Variants in DNAH1 observed in about 807,000 individuals in gnomAD.
The protein encoded by DNAH1 is axonemal beta dynein heavy chain 1.
Under a neutral mutation model 484.3 loss-of-function variants are expected in DNAH1, and 327 were observed. The observed-to-expected ratio is 0.68, with a 90% CI of 0.62 to 0.74. The LOEUF is 0.74. Among genes scored for constraint, DNAH1 ranks in the 30% least tolerant of loss-of-function variants. DNAH1 has a pLI of 0.00. For synonymous variants in DNAH1, 2,192 were observed against 2,191.9 expected (o/e 1.00, Z 0.00); for missense variants, 5,052 against 5,546.8 (o/e 0.91, Z 2.83).
Position 52,398,175 on chromosome 3 carries a change from C to G in DNAH1, c.12089+13C>G. ...AAGAGGTCATTAGGTAATCACCCCG[C>G]CATACCCCTGCCCCGAGTCAGCGGC... On this transcript the variant is annotated intron_variant, in intron 75 of 77. Transcript: ENST00000420323. 1 of 1,597,358 alleles carries G rather than the reference C, an allele frequency of 6.3e-7. No homozygotes were observed. The highest frequency in any genetic ancestry group is 8.5e-7 in the Non-Finnish European group (1 of 1,171,550).
rs1218553374 is a variant in DNAH1, at chr3:52,390,793, G to A, written c.9622-142G>A. 6 of 1,301,254 alleles carry A rather than the reference G, an allele frequency of 4.6e-6. No homozygotes were observed. The African/African-American group carries it at 8.8e-5, about 19-fold the overall frequency. 80.6% of individuals were successfully genotyped at this position (1,301,254 alleles called of 1,614,324 possible). A position where few individuals can be genotyped will look rare whatever the true frequency, so the allele number is the denominator to read the frequency against. On this transcript the variant is annotated intron_variant, in intron 60 of 77. Coordinates refer to ENST00000420323, the MANE Select transcript of DNAH1 (RefSeq NM_015512.5). ...CTGGGGGTGAGGCATTGCCTACATT[G>A]TCACCTGCCCCCAACCTCCAAGGGG...
chr3:52,381,544 A>T lies in DNAH1; in HGVS notation c.7609-96A>T. On this transcript the variant is annotated intron_variant, in intron 48 of 77. Transcript: ENST00000420323. This position sits in a 1 kb window ranked among gnomAD's most constrained non-coding sequence, Gnocchi z 4.1. ...GGTGGTCAAGGCACCTGTGCTTCTCAGTCAGGACAGAGAAGAAAGCGGGTG... is the reference window on the plus strand; with the variant it reads ...GGTGGTCAAGGCACCTGTGCTTCTCTGTCAGGACAGAGAAGAAAGCGGGTG... 1 of 1,190,942 alleles carries T rather than the reference A, an allele frequency of 8.4e-7. No individual in the cohort carries two copies. Among genetic ancestry groups the T allele is most frequent in the Non-Finnish European group, 1.2e-6 (1 of 854,836 alleles). 73.8% of individuals were successfully genotyped at this position (1,190,942 alleles called of 1,614,324 possible). A position where few individuals can be genotyped will look rare whatever the true frequency, so the allele number is the denominator to read the frequency against.
rs1215992649 is a variant in DNAH1 at position 52,381,880 on chromosome 3, G to A, written c.7805+44G>A. 1 of 1,532,860 alleles carries A rather than the reference G, an allele frequency of 6.5e-7. No homozygotes were observed. The highest frequency in any genetic ancestry group is 2.0e-5 in the Admixed American group (1 of 50,630). The allele number at this position is 1,532,860 out of a possible 1,614,324, so 95.0% of individuals were successfully genotyped here. ...TGCTGGGCAGTGGGCGGCCAGGGCT[G>A]GCTGGTCGGTTTGACTGACCCATGC... On this transcript the variant is annotated intron_variant, in intron 49 of 77. Coordinates refer to ENST00000420323, the MANE Select transcript of DNAH1 (RefSeq NM_015512.5). This position sits in a 1 kb window ranked among gnomAD's most constrained non-coding sequence, Gnocchi z 4.1.
chr3:52,329,960 CATTA>C (rs1392072837), intron 6 of DNAH1, among the ~76,000 whole-genome samples: 1 of 152,146 alleles, frequency 6.6e-6, no homozygotes, highest in East Asian at 1.9e-4. Context: ...AGGCACACAT[CATTA>C]CTCCCAGCTA....
At position 52,350,809 on chromosome 3, in the gene DNAH1, C is replaced by A. The variant is rs116384739; in HGVS notation, c.2729+219C>A. On this transcript the variant is annotated intron_variant, in intron 16 of 77. Coordinates refer to ENST00000420323, the MANE Select transcript of DNAH1 (RefSeq NM_015512.5). ...TTTGGGCCTCTTGGCCTCAGCTGCTCCCCAACCCTGTCTCTGTCCTGTCAA... is the reference window on the plus strand; with the variant it reads ...TTTGGGCCTCTTGGCCTCAGCTGCTACCCAACCCTGTCTCTGTCCTGTCAA... Among the ~76,000 whole-genome samples, 959 of 152,310 alleles carry A rather than the reference C, an allele frequency of 6.3e-3. 2 individuals carry two copies. The highest frequency in any genetic ancestry group is 0.011 in the Non-Finnish European group (716 of 68,032).
chr3:52,398,009 A>C (rs1175717899), intron 74 of DNAH1, 23 bp from the exon 75 acceptor site: 2 of 1,610,022 alleles, frequency 1.2e-6, no homozygotes, highest in Non-Finnish European at 1.7e-6. Context: ...CCTTGACCCC[A>C]CAGTATTCCT....
At chr3:52,392,719 C>T in intron 64 of DNAH1, 30 bp downstream of exon 64, 2 of 1,576,294 alleles carry the variant, frequency 1.3e-6, no homozygotes, top group African/African-American at 1.4e-5. Context: ...CCCACCTGCC[C>T]CGGGAGTGCC....
At chr3:52,322,991 C>T (rs1023380871) in intron 2 of DNAH1, among the ~76,000 whole-genome samples, 1 of 152,236 alleles carries the variant, frequency 6.6e-6, no homozygotes, top group Non-Finnish European at 1.5e-5. Flanking sequence ...ATTCATTCGA[C>T]AACTCATTAC....
rs1156807004 is a variant in DNAH1 at position 52,356,603 on chromosome 3, C to G, written c.3694-11C>G. On this transcript the variant is annotated splice_polypyrimidine_tract_variant and intron_variant, in intron 21 of 77. Coordinates refer to ENST00000420323, the MANE Select transcript of DNAH1 (RefSeq NM_015512.5). The stretch of plus-strand genomic sequence containing the variant: ...CCATATCACACCCCTCCCTGCCCCT[C>G]CCCTCCCCAGGAGGTTCTGGAGGAG... 1 of 1,612,664 alleles carries G rather than the reference C, an allele frequency of 6.2e-7. No homozygotes were observed. The highest frequency in any genetic ancestry group is 1.1e-5 in the South Asian group (1 of 91,020).
At position 52,395,328 on chromosome 3, in the gene DNAH1, G is replaced by C. The variant is rs774995725; in HGVS notation, c.10989G>C (p.Val3663=). ...IEPQTANLSV[V]FKDSNSTTPL... The stretch of plus-strand genomic sequence containing the variant: ...TGCAGACAGCCAATCTGTCAGTGGT[G>C]TTCAAAGACTCCAACTCCACCACAC... Residue 3663 remains valine (V), a synonymous_variant, in exon 69 of 78, where the codon GTG becomes GTC. Transcript: ENST00000420323. This position sits in a 1 kb window ranked among gnomAD's most constrained non-coding sequence, Gnocchi z 4.4. 6.8e-6 allele frequency: 11 copies of C among 1,613,500 alleles called. No individual in the cohort carries two copies. The highest frequency in any genetic ancestry group is 9.3e-6 in the Non-Finnish European group (11 of 1,179,812).
chr3:52,352,039 A>C lies in DNAH1; in HGVS notation c.2807A>C (p.Glu936Ala). 1 of 1,594,728 alleles carries C rather than the reference A, an allele frequency of 6.3e-7. No homozygotes were observed. Residue 936 changes from glutamate to alanine, a missense_variant, in exon 17 of 78, where the codon GAG becomes GCG. Glu to Ala is a moderately radical substitution (Grantham distance 107). This residue lies in a region of DNAH1 where 1,263 missense variants were observed against 1,218.8 expected (regional missense o/e 1.04). Coordinates refer to ENST00000420323, the MANE Select transcript of DNAH1 (RefSeq NM_015512.5). ...CAGCAGCAGCATGTGGAGGATGAGG[A>C]GAAGTTCCGCAAAATCCAGATCATG... ...LVQQQHVEDEEKFRKIQIMDQ... is the reference protein window; with the variant it reads ...LVQQQHVEDEAKFRKIQIMDQ...
intron 75 of DNAH1, 112 bp from the exon 76 acceptor site, chr3:52,398,738 T>C: frequency 1.1e-6 from 1 of 948,796 alleles, no homozygotes; most frequent in East Asian, 2.7e-5. Context: ...CTCTCTGCTC[T>C]TAGCCTCTAT....
At position 52,358,639 on chromosome 3, in the gene DNAH1, C is replaced by T. The variant is rs552886396; in HGVS notation, c.4168C>T (p.Pro1390Ser). The T allele has an allele frequency of 2.5e-5, 40 of 1,613,290 alleles. No homozygotes were observed. In the South Asian group the frequency reaches 4.0e-4, roughly 16 times the overall value. The change falls in exon 25 of 78, where the codon CCC becomes TCC. Residue 1390 changes from proline to serine, a missense_variant. Pro to Ser is a moderately conservative substitution (Grantham distance 74). Transcript: ENST00000420323. This position sits in a 1 kb window ranked among gnomAD's most constrained non-coding sequence, Gnocchi z 4.2. ...GGTACAGTTGTGCTTCTCCATCTAC[C>T]CCTCCAGCAACGTGGAGGACTGGCT... is the stretch of plus-strand genomic sequence containing the variant. ...EEVQLCFSIY[P>S]SSNVEDWLRE... is the part of the protein sequence containing the mutation.
intron 76 of DNAH1, 95 bp downstream of exon 76, chr3:52,399,296 C>A (rs1704794037): frequency 1.5e-6 from 2 of 1,314,738 alleles, no homozygotes; most frequent in Admixed American, 2.2e-5. Context: ...AGTTGGGGGA[C>A]CCCTAAGCCA....
chr3:52,337,447 C>G (rs1701777254), intron 8 of DNAH1, among the ~76,000 whole-genome samples: 1 of 152,158 alleles, frequency 6.6e-6, no homozygotes, highest in African/African-American at 2.4e-5. Context: ...TAAACTAATT[C>G]ATTTTAGATC....
chr3:52,352,477 C>T lies in DNAH1; in HGVS notation c.2872-75C>T, dbSNP rs538569371. 8 of 1,550,478 alleles carry T rather than the reference C, an allele frequency of 5.2e-6. No individual in the cohort carries two copies. In the Admixed American group the frequency reaches 1.3e-4, roughly 25 times the overall value. ...GTGGACGTCCTGGGACCTCTGGTTCCCTGGGTTTGCATGGGAAGGCCTGGA... is the reference window on the plus strand; with the variant it reads ...GTGGACGTCCTGGGACCTCTGGTTCTCTGGGTTTGCATGGGAAGGCCTGGA... On this transcript the variant is annotated intron_variant, in intron 17 of 77. Coordinates refer to ENST00000420323, the MANE Select transcript of DNAH1 (RefSeq NM_015512.5).
At chr3:52,383,340 T>C in intron 50 of DNAH1, 46 bp from the exon 51 acceptor site, 2 of 1,558,648 alleles carry the variant, frequency 1.3e-6, no homozygotes, top group Non-Finnish European at 1.8e-6. Flanking sequence ...GGTCATATAG[T>C]CCAACATGCA....
chr3:52,385,846 C>A (rs533044272), intron 54 of DNAH1, among the ~76,000 whole-genome samples: 1 of 151,594 alleles, frequency 6.6e-6, no homozygotes, highest in African/African-American at 2.4e-5. Flanking sequence ...CAAAACTTCC[C>A]AGTAGATAGA....
chr3:52,393,420 C>A lies in DNAH1; in HGVS notation c.10561C>A (p.His3521Asn). ...CGTCTGCCGCAGCCTCTTTGAGAAG[C>A]ACAAGCTGATGTTTGCCTTCCTGCT... ...SNVCRSLFEK[H>N]KLMFAFLLCV... Residue 3521 changes from histidine to asparagine, a missense_variant, in exon 66 of 78, where the codon CAC becomes AAC. By Grantham distance (68) the His-to-Asn change is moderately conservative. Coordinates refer to ENST00000420323, the MANE Select transcript of DNAH1 (RefSeq NM_015512.5). 2 of 1,614,080 alleles carry A rather than the reference C, an allele frequency of 1.2e-6. No homozygotes were observed. Among genetic ancestry groups the A allele is most frequent in the Non-Finnish European group, 1.7e-6 (2 of 1,179,910 alleles).
Sources: allele counts gnomAD v4.1 joint callset (sites outside exome capture counted in the v4.1 genomes callset), GRCh38; gene constraint gnomAD v4.1.1; regional missense constraint gnomAD v4.1.1; non-coding constraint Gnocchi (gnomAD v3.1); transcripts MANE v1.5; gene names NCBI Gene and HGNC (gene_info 2026-07-23, HGNC 2026-07-21).